The following SOX30 variants were observed in gnomAD, a reference collection of about 807,000 sequenced individuals.
SOX30 encodes the protein transcription factor SOX-30.
In SOX30, 17 loss-of-function variants were observed where a neutral mutation model predicts 58.6. That is an observed-to-expected ratio of 0.29 (90% confidence interval 0.20 to 0.44). SOX30 has a LOEUF of 0.44. Ranked by LOEUF, SOX30 falls within the 20% of genes least tolerant of loss-of-function variation. The probability of loss-of-function intolerance (pLI) is 1.00; values close to 1 mark genes in which losing one functional copy is unlikely to be tolerated. For synonymous variants in SOX30, 421 were observed against 400.2 expected (o/e 1.05, Z -0.62); for missense variants, 951 against 965.8 (o/e 0.98, Z 0.20).
chr5:157,628,639 G>A (rs1156251688), intron 4 of SOX30, among the ~76,000 whole-genome samples: 4 of 147,960 alleles, frequency 2.7e-5, no homozygotes, highest in Non-Finnish European at 5.9e-5. Context: ...AATACACTGT[G>A]CTTCTTTTTT....
At chr5:157,647,622 T>G (rs1398045063) in intron 2 of SOX30, among the ~76,000 whole-genome samples, 1 of 152,138 alleles carries the variant, frequency 6.6e-6, no homozygotes, top group Non-Finnish European at 1.5e-5. Context: ...TGGCACGATC[T>G]CGGCTCACTG....
At position 157,650,912 on chromosome 5, in the gene SOX30, C is replaced by T. The variant is rs183270188; in HGVS notation, c.967+200G>A. ...CTTAAAATCGATTTTTTAAAAAATA[C>T]TTGAGAATCTTGAAGGCATTCGTGT... is the stretch of plus-strand genomic sequence containing the variant. On this transcript the variant is annotated intron_variant, in intron 1 of 4. Transcript: ENST00000265007. Among the ~76,000 whole-genome samples the T allele has an allele frequency of 4.7e-4, 72 of 152,264 alleles. 1 individual carries two copies. The East Asian group carries it at 0.011, about 24-fold the overall frequency.
intron 4 of SOX30, 66 bp downstream of exon 4, chr5:157,638,164 A>T: frequency 1.3e-5 from 19 of 1,432,548 alleles, no homozygotes; most frequent in Non-Finnish European, 1.8e-5. Flanking sequence ...AAACAAAAAA[A>T]TGTTGTCACA....
Position 157,626,505 on chromosome 5 carries a change from A to C in SOX30, c.2097T>G (p.Ser699Arg). 1 of 1,614,162 alleles carries C rather than the reference A, an allele frequency of 6.2e-7. No individual in the cohort carries two copies. The highest frequency in any genetic ancestry group is 1.6e-4 in the Middle Eastern group (1 of 6,062). ...ENMNGTSYYN[S>R]HSHSGEENLN... Reference sequence around the variant, plus strand: ...AGTTTTCTTCCCCACTGTGGCTATGACTGTTATAGTAAGAAGTTCCATTCA... The same window carrying C: ...AGTTTTCTTCCCCACTGTGGCTATGCCTGTTATAGTAAGAAGTTCCATTCA... Residue 699 changes from serine (S) to arginine (R), a missense_variant, in exon 5 of 5, where the codon AGT becomes AGG. Physicochemically the swap from Ser to Arg is moderately radical, Grantham distance 110. Around this residue, in one of 7 missense-constraint regions of SOX30, gnomAD observed 381 missense variants for 390.0 expected, o/e 0.98. Coordinates refer to ENST00000265007, the MANE Select transcript of SOX30 (RefSeq NM_178424.2).
chr5:157,654,009 A>T (rs976588660), upstream of SOX30, among the ~76,000 whole-genome samples: 7 of 152,084 alleles, frequency 4.6e-5, no homozygotes, highest in African/African-American at 1.7e-4. Context: ...TCTACTAAAA[A>T]TAAAAAATTA....
chr5:157,668,209 T>C (rs1759706459), intron 1 of SOX30, among the ~76,000 whole-genome samples: 2 of 152,218 alleles, frequency 1.3e-5, no homozygotes, highest in South Asian at 2.1e-4. Flanking sequence ...CCTACGGCTG[T>C]AGCTGTTGAG....
At chr5:157,635,270 T>C (rs1033934513) in intron 4 of SOX30, among the ~76,000 whole-genome samples, 1 of 152,342 alleles carries the variant, frequency 6.6e-6, no homozygotes, top group African/African-American at 2.4e-5. Context: ...GTTCTTCCAA[T>C]AGCATTATTA....
rs189276205 is a variant in SOX30 at position 157,646,697 on chromosome 5, G to T, written c.1327C>A (p.Arg443Ser). 3.7e-6 allele frequency: 6 copies of T among 1,613,356 alleles called. No homozygotes were observed. The highest frequency in any genetic ancestry group is 5.1e-6 in the Non-Finnish European group (6 of 1,179,318). ...ATTACCACAGAGTACGTAGGTGAGC[G>T]GTAAGGATAAACTGTTGTAGGATTT... ...STNPTTVYPYRSPTYSVVIPS... is the reference protein window; with the variant it reads ...STNPTTVYPYSSPTYSVVIPS... The change falls in exon 3 of 5, where the codon CGC becomes AGC. Residue 443 changes from arginine (R) to serine (S), a missense_variant. Transcript: ENST00000265007.
intron 4 of SOX30, among the ~76,000 whole-genome samples, chr5:157,632,047 T>TAAAAAACAAAAAAAAAA (rs1758824679): frequency 1.8e-5 from 1 of 56,394 alleles, no homozygotes; most frequent in African/African-American, 7.8e-5. Flanking sequence ...ACCCCGTAAC[T>TAAAAAACAAAAAAAAAA]AAAAAAAAAA....
rs189548144 is a variant in SOX30, at chr5:157,649,733, C to T, written c.968-837G>A. On this transcript the variant is annotated intron_variant, in intron 1 of 4. Transcript: ENST00000265007. ...TGAACCCAGGAGGTGGAGGTTGCAGCGAGCTGAGATCACGCCACGGTACTC... is the reference window on the plus strand; with the variant it reads ...TGAACCCAGGAGGTGGAGGTTGCAGTGAGCTGAGATCACGCCACGGTACTC... Among the ~76,000 whole-genome samples, 324 of 152,122 alleles carry T rather than the reference C, an allele frequency of 2.1e-3. 1 individual carries two copies. Among genetic ancestry groups the T allele is most frequent in the African/African-American group, 7.2e-3 (300 of 41,508 alleles).
chr5:157,659,390 G>A (rs1445477523), intron 2 of SOX30, among the ~76,000 whole-genome samples: 1 of 152,182 alleles, frequency 6.6e-6, no homozygotes, highest in African/African-American at 2.4e-5. Context: ...CCACTATACT[G>A]TGGAAACCCC....
chr5:157,671,240 C>T (rs1163736428), intron 1 of SOX30: 1 of 237,716 alleles, frequency 4.2e-6, no homozygotes, highest in Non-Finnish European at 8.1e-6. Flanking sequence ...CTGAGCAGCC[C>T]CACCCTGGCT....
At chr5:157,645,417 A>G (rs1192799103) in intron 3 of SOX30, among the ~76,000 whole-genome samples, 1 of 152,174 alleles carries the variant, frequency 6.6e-6, no homozygotes, top group Non-Finnish European at 1.5e-5. Flanking sequence ...TAATCCTGGC[A>G]CTTTGAGAGG....
exon 2 of SOX30, chr5:157,667,831 C>G: frequency 6.5e-7 from 1 of 1,535,604 alleles, no homozygotes; most frequent in African/African-American, 1.4e-5. Context: ...TGTTCCTTCC[C>G]TCTACAACAT....
exon 1 of SOX30, chr5:157,671,456 C>G (rs1169440022): frequency 1.3e-5 from 8 of 627,166 alleles, no homozygotes; most frequent in Non-Finnish European, 2.3e-5. Context: ...CCAACAGCCC[C>G]CGTCCCCTTC....
In SOX30 at chr5:157,651,371, A is replaced by C; in HGVS notation, c.708T>G (p.Val236=). Residue 236 remains valine (V), a synonymous_variant, in exon 1 of 5, where the codon GTT becomes GTG. Transcript: ENST00000265007. ...LGAEPASNGL[V]HGSAEVILAP... is the part of the protein sequence containing the mutation. ...CCAAGATGACCTCCGCGCTGCCATGAACCAGGCCATTGGACGCGGGCTCCG... is the reference window on the plus strand; with the variant it reads ...CCAAGATGACCTCCGCGCTGCCATGCACCAGGCCATTGGACGCGGGCTCCG... 1 of 1,613,618 alleles carries C rather than the reference A, an allele frequency of 6.2e-7. No homozygotes were observed. The highest frequency in any genetic ancestry group is 2.2e-5 in the East Asian group (1 of 44,880).
In SOX30 at chr5:157,627,949, A is replaced by G. The variant is rs1009200237; in HGVS notation, c.1881-1228T>C. On this transcript the variant is annotated intron_variant, in intron 4 of 4. Transcript: ENST00000265007. ...GCGGAGCTTGCAGTGAGCCGCGATCACGCCACCACACTCCAGCCTGGGTGA... is the reference window on the plus strand; with the variant it reads ...GCGGAGCTTGCAGTGAGCCGCGATCGCGCCACCACACTCCAGCCTGGGTGA... Among the ~76,000 whole-genome samples, 4 of 151,512 alleles carry G rather than the reference A, an allele frequency of 2.6e-5. No homozygotes were observed. The South Asian group carries it at 6.3e-4, about 24-fold the overall frequency.
chr5:157,666,519 AC>A (rs1759676437), intron 2 of SOX30, among the ~76,000 whole-genome samples: 1 of 142,188 alleles, frequency 7.0e-6, no homozygotes, highest in Non-Finnish European at 1.5e-5. Flanking sequence ...ACACACACAC[AC>A]ACACACACCT....
At chr5:157,630,291 A>G (rs576522374) in intron 4 of SOX30, among the ~76,000 whole-genome samples, 83 of 152,302 alleles carry the variant, frequency 5.4e-4, no homozygotes, top group African/African-American at 1.8e-3. Flanking sequence ...CCAATGTCTC[A>G]GCTTCCTTGG....
Sources: allele counts gnomAD v4.1 joint callset (sites outside exome capture counted in the v4.1 genomes callset), GRCh38; gene constraint gnomAD v4.1.1; regional missense constraint gnomAD v4.1.1; transcripts MANE v1.5; gene names NCBI Gene and HGNC (gene_info 2026-07-23, HGNC 2026-07-21).